FBLIM1: variants seen among roughly 807,000 people sequenced by gnomAD.
The protein encoded by FBLIM1 is filamin-binding LIM protein 1.
FBLIM1 carries 29 observed loss-of-function variants against 37.4 expected under a neutral mutation model. The observed-to-expected ratio is 0.77, with a 90% CI of 0.58 to 1.06. The LOEUF (loss-of-function observed/expected upper bound fraction) is 1.06. FBLIM1 is among the 50% of genes least tolerant of loss of function. The probability of loss-of-function intolerance (pLI) is 0.00; values close to 1 mark genes in which losing one functional copy is unlikely to be tolerated. For missense variants in FBLIM1, 449 were observed against 505.6 expected, an observed-to-expected ratio of 0.89 and a Z score of 1.07; for synonymous variants, 193 against 199.0, an observed-to-expected ratio of 0.97 and a Z score of 0.25.
In FBLIM1 at chr1:15,784,546, A is replaced by G; in HGVS notation, c.1009-2A>G. On this transcript the variant is annotated splice_acceptor_variant, in intron 8 of 8. Transcript: ENST00000375766. LOFTEE classifies it high-confidence loss of function. ...GGTCAGCATGTGTCTTTGTCTCCCCAGGACTGCAGGATCCTCCTGTCTGTC... is the reference window on the plus strand; with the variant it reads ...GGTCAGCATGTGTCTTTGTCTCCCCGGGACTGCAGGATCCTCCTGTCTGTC... 6.2e-6 allele frequency: 10 copies of G among 1,613,356 alleles called. No homozygotes were observed. Among genetic ancestry groups the G allele is most frequent in the Non-Finnish European group, 8.5e-6 (10 of 1,179,436 alleles).
At chr1:15,780,943 G>A (rs182335811) in intron 8 of FBLIM1, among the ~76,000 whole-genome samples, 3 of 152,218 alleles carry the variant, frequency 2.0e-5, no homozygotes, top group East Asian at 1.9e-4. Context: ...TCATCCTCAC[G>A]AGTTCCAGCA....
chr1:15,784,008 G>C (rs1189678677), intron 8 of FBLIM1, among the ~76,000 whole-genome samples: 1 of 152,098 alleles, frequency 6.6e-6, no homozygotes, highest in Non-Finnish European at 1.5e-5. Context: ...GACCAACATG[G>C]CAAAACCCTG....
At chr1:15,779,409 G>A (rs372794565) in intron 8 of FBLIM1, among the ~76,000 whole-genome samples, 1 of 151,938 alleles carries the variant, frequency 6.6e-6, no homozygotes. Context: ...GGTTCATGCG[G>A]TTCTCCTGCC....
At chr1:15,768,045 G>T (rs900144515) in intron 4 of FBLIM1, among the ~76,000 whole-genome samples, 1 of 152,088 alleles carries the variant, frequency 6.6e-6, no homozygotes. Flanking sequence ...ACCATGCCTG[G>T]CTAATTTATT....
intron 8 of FBLIM1, 23 bp downstream of exon 8, chr1:15,777,310 A>C (rs1335030502): frequency 1.3e-6 from 2 of 1,568,278 alleles, no homozygotes; most frequent in Non-Finnish European, 1.8e-6. Flanking sequence ...TAGGTGGTTT[A>C]ATAACATTCC....
In FBLIM1 at chr1:15,766,029, T is replaced by C. The variant is rs2068900231; in HGVS notation, c.250+796T>C. Among the ~76,000 whole-genome samples the C allele has an allele frequency of 2.0e-5, 3 of 152,146 alleles. No individual in the cohort carries two copies. The South Asian group carries it at 6.2e-4, about 31-fold the overall frequency. Reference sequence around the variant, plus strand: ...TGTACCAACACAGTCACTGGGTCCATTCCAGCACAGCCGCAGGCTCCCACC... The same window carrying C: ...TGTACCAACACAGTCACTGGGTCCACTCCAGCACAGCCGCAGGCTCCCACC... On this transcript the variant is annotated intron_variant, in intron 3 of 8. Coordinates refer to ENST00000375766, the MANE Select transcript of FBLIM1 (RefSeq NM_017556.4).
chr1:15,770,182 A>G (rs1231275203), intron 5 of FBLIM1, among the ~76,000 whole-genome samples: 2 of 148,794 alleles, frequency 1.3e-5, no homozygotes, highest in Non-Finnish European at 3.0e-5. Flanking sequence ...CCTGTCCTCA[A>G]GTGATCCGCT....
chr1:15,777,713 C>T (rs899539134), intron 8 of FBLIM1, among the ~76,000 whole-genome samples: 21 of 151,838 alleles, frequency 1.4e-4, no homozygotes, highest in African/African-American at 5.1e-4. Context: ...GCTGGGATTA[C>T]AGGCGCGCAC....
intron 5 of FBLIM1, 71 bp downstream of exon 5, chr1:15,768,701 A>T: frequency 7.8e-7 from 1 of 1,278,156 alleles, no homozygotes; most frequent in East Asian, 2.6e-5. Context: ...GGTAGAAACC[A>T]AGAGAGTGAG....
At chr1:15,780,739 C>T (rs78394755) in intron 8 of FBLIM1, among the ~76,000 whole-genome samples, 3,090 of 152,250 alleles carry the variant, frequency 0.02, 77 homozygotes, top group African/African-American at 0.063. Flanking sequence ...TTCGACACAC[C>T]TGTTCACTCC....
intron 6 of FBLIM1, among the ~76,000 whole-genome samples, chr1:15,773,681 G>GAAAAA (rs35429082): frequency 1.9e-5 from 2 of 106,968 alleles, no homozygotes; most frequent in Non-Finnish European, 3.7e-5. Context: ...CTCCGTCTCA[G>GAAAAA]AAAAAAAAAA....
At chr1:15,766,997 C>T (rs1359058606) in intron 3 of FBLIM1, among the ~76,000 whole-genome samples, 1 of 151,574 alleles carries the variant, frequency 6.6e-6, no homozygotes, top group African/African-American at 2.4e-5. Context: ...TTAAGTGATC[C>T]TTCCACGTCA....
intron 5 of FBLIM1, 32 bp downstream of exon 5, chr1:15,768,662 TG>T (rs777979789): frequency 6.4e-7 from 1 of 1,552,626 alleles, no homozygotes; most frequent in East Asian, 2.3e-5. Flanking sequence ...GATACTGGGG[TG>T]ATCTCATGGG....
At chr1:15,782,407 TAA>T (rs766909189) in intron 8 of FBLIM1, among the ~76,000 whole-genome samples, 37 of 126,028 alleles carry the variant, frequency 2.9e-4, no homozygotes, top group African/African-American at 2.6e-4. Context: ...GACTCTATCT[TAA>T]AAAAAAAAAA....
chr1:15,760,697 G>C (rs2068634960), intron 1 of FBLIM1, among the ~76,000 whole-genome samples: 1 of 152,094 alleles, frequency 6.6e-6, no homozygotes, highest in Non-Finnish European at 1.5e-5. Flanking sequence ...AGCTGGTCTG[G>C]GTGGCTGGCT....
At position 15,765,180 on chromosome 1, in the gene FBLIM1, C is replaced by T. The variant is rs1330880067; in HGVS notation, c.197C>T (p.Pro66Leu). 1 of 1,613,822 alleles carries T rather than the reference C, an allele frequency of 6.2e-7. No homozygotes were observed. The highest frequency in any genetic ancestry group is 1.7e-5 in the Admixed American group (1 of 60,004). The change falls in exon 3 of 9, where the codon CCT (proline) becomes CTT (leucine). Residue 66 changes from proline (P) to leucine (L), a missense_variant. By Grantham distance (98) the Pro-to-Leu change is moderately conservative (BLOSUM62 -3). Coordinates refer to ENST00000375766, the MANE Select transcript of FBLIM1 (RefSeq NM_017556.4). This position sits in a 1 kb window ranked among gnomAD's most constrained non-coding sequence, Gnocchi z 5.9. ...LAGRPSPWTT[P>L]GRAAATVPAA... Reference sequence around the variant, plus strand: ...GGGAGGCCCAGCCCCTGGACAACCCCTGGCAGAGCTGCAGCCACAGTGCCG... The same window carrying T: ...GGGAGGCCCAGCCCCTGGACAACCCTTGGCAGAGCTGCAGCCACAGTGCCG...
intron 8 of FBLIM1, among the ~76,000 whole-genome samples, chr1:15,781,781 C>G (rs1303601045): frequency 7.3e-5 from 10 of 137,664 alleles, no homozygotes; most frequent in African/African-American, 2.1e-4. Flanking sequence ...TGCAGTGGTG[C>G]AATCTCGGCT....
At position 15,774,624 on chromosome 1, in the gene FBLIM1, C is replaced by A. The variant is rs1256012000; in HGVS notation, c.718C>A (p.Leu240Met). 6.2e-7 allele frequency: 1 copy of A among 1,612,734 alleles called. No homozygotes were observed. The highest frequency in any genetic ancestry group is 8.5e-7 in the Non-Finnish European group (1 of 1,179,408). ...GCAGTGGCCTCTGTCCTAGGACACA[C>A]TGGAGAGGTGCGGCAAGTGTGGCGA... ...PLCEPCYQDT[L>M]ERCGKCGEVV... Residue 240 changes from leucine (L) to methionine (M), a missense_variant, in exon 7 of 9, where the codon CTG becomes ATG. Coordinates refer to ENST00000375766, the MANE Select transcript of FBLIM1 (RefSeq NM_017556.4).
Position 15,784,936 on chromosome 1 carries a change from A to G in FBLIM1, c.*275A>G. 2.9e-6 allele frequency: 1 copy of G among 343,514 alleles called. No individual in the cohort carries two copies. The highest frequency in any genetic ancestry group is 5.4e-6 in the Non-Finnish European group (1 of 184,780). The allele number at this position is 343,514 out of a possible 1,614,324, so 21.3% of individuals were successfully genotyped here. On this transcript the variant is annotated 3_prime_UTR_variant, in exon 9 of 9. Coordinates refer to ENST00000375766, the MANE Select transcript of FBLIM1 (RefSeq NM_017556.4). ...CCCACTTCCAGGGAAAAGCTGGGGG[A>G]GGTTGGACCCCTCTCACTGACTAGC... is the stretch of plus-strand genomic sequence containing the variant.
Sources: gnomAD v4.1 joint callset for allele counts (sites outside exome capture counted in the v4.1 genomes callset) on GRCh38, gnomAD v4.1.1 for gene constraint, Gnocchi (gnomAD v3.1) non-coding constraint, MANE v1.5 for transcripts, NCBI Gene and HGNC (gene_info 2026-07-23, HGNC 2026-07-21) for gene names.